The following TENM3 variants were observed in gnomAD, a reference collection of about 807,000 sequenced individuals.
TENM3 encodes the protein teneurin-3.
TENM3 carries 63 observed loss-of-function variants against 255.1 expected under a neutral mutation model. The ratio of observed to expected loss-of-function variants is 0.25; its 90% confidence interval spans 0.20 to 0.30. TENM3 has a LOEUF of 0.30. Among genes scored for constraint, TENM3 ranks in the 10% least tolerant of loss-of-function variants. The pLI is 1.00. For missense variants in TENM3, 2,929 were observed against 3,461.1 expected, an observed-to-expected ratio of 0.85 and a Z score of 3.86; for synonymous variants, 1,306 against 1,322.3, an observed-to-expected ratio of 0.99 and a Z score of 0.27.
the TENM3 span, among the ~76,000 whole-genome samples, chr4:181,481,008 G>A: frequency 6.6e-6 from 1 of 151,536 alleles, no homozygotes; most frequent in South Asian, 2.1e-4. Context: ...CATTCACCAT[G>A]AAACGACTAG....
intron 27 of TENM3, among the ~76,000 whole-genome samples, chr4:182,798,373 T>A (rs1162443062): frequency 3.3e-5 from 5 of 152,220 alleles, no homozygotes; most frequent in African/African-American, 1.2e-4. Context: ...GGTGTTACAG[T>A]TGCCTGCAAT....
chr4:181,786,843 A>G, the TENM3 span, among the ~76,000 whole-genome samples: 1 of 152,066 alleles, frequency 6.6e-6, no homozygotes, highest in Non-Finnish European at 1.5e-5. Context: ...AGCATGTCAA[A>G]GTGTCAGTGT....
chr4:182,243,264 A>G (rs968555426), upstream of TENM3, among the ~76,000 whole-genome samples: 1 of 152,068 alleles, frequency 6.6e-6, no homozygotes, highest in African/African-American at 2.4e-5. Flanking sequence ...ACAGGCATGC[A>G]CCACCACGCC....
At chr4:182,442,289 A>T (rs1366302262) in intron 3 of TENM3, among the ~76,000 whole-genome samples, 1 of 152,244 alleles carries the variant, frequency 6.6e-6, no homozygotes, top group African/African-American at 2.4e-5. Flanking sequence ...GTCAATAAAG[A>T]TATGTTAAAC....
In TENM3 at chr4:182,723,923, C is replaced by T. The variant is rs576961306; in HGVS notation, c.2369-5042C>T. On this transcript the variant is annotated intron_variant, in intron 13 of 27. Transcript: ENST00000511685. Reference sequence around the variant, plus strand: ...ACTCTTTGGTTCTACAAAATAATTTCGCCAGCCACTGTAAAAGACCAGTGA... The same window carrying T: ...ACTCTTTGGTTCTACAAAATAATTTTGCCAGCCACTGTAAAAGACCAGTGA... 5.3e-5 allele frequency among the ~76,000 whole-genome samples: 8 copies of T among 152,256 alleles called. No individual in the cohort carries two copies. In the South Asian group the frequency reaches 1.0e-3, roughly 20 times the overall value.
chr4:181,514,556 T>C, the TENM3 span, among the ~76,000 whole-genome samples: 1 of 152,320 alleles, frequency 6.6e-6, no homozygotes, highest in African/African-American at 2.4e-5. Flanking sequence ...TCACTTGGCT[T>C]TGCAAATATT....
At chr4:182,547,900 C>G (rs947972650) in intron 3 of TENM3, among the ~76,000 whole-genome samples, 1 of 151,832 alleles carries the variant, frequency 6.6e-6, no homozygotes, top group African/African-American at 2.4e-5. Flanking sequence ...TTTTTCTAAC[C>G]CAATCATTTG....
chr4:182,162,351 G>A (rs1194365048), intron 1 of TENM3, among the ~76,000 whole-genome samples: 1 of 152,034 alleles, frequency 6.6e-6, no homozygotes, highest in African/African-American at 2.4e-5. Context: ...GAAGAAAGGG[G>A]TACAAAAATA....
chr4:182,740,059 G>A (rs1277150566), intron 18 of TENM3, among the ~76,000 whole-genome samples: 1 of 152,090 alleles, frequency 6.6e-6, no homozygotes. Context: ...GGAAGAAAAT[G>A]CTAGTGCCTT....
intron 3 of TENM3, among the ~76,000 whole-genome samples, chr4:182,431,984 T>C (rs1393619382): frequency 6.7e-6 from 1 of 149,140 alleles, no homozygotes; most frequent in Non-Finnish European, 1.5e-5. Context: ...GCTGTGGCAG[T>C]AGAATCGCTT....
chr4:181,778,846 T>G, the TENM3 span, among the ~76,000 whole-genome samples: 2 of 152,152 alleles, frequency 1.3e-5, no homozygotes, highest in African/African-American at 4.8e-5. Flanking sequence ...CTCAGGTTGA[T>G]GAATGTCCTT....
At chr4:182,290,040 G>A (rs1436914347) in intron 1 of TENM3, among the ~76,000 whole-genome samples, 7 of 152,084 alleles carry the variant, frequency 4.6e-5, no homozygotes, top group African/African-American at 9.7e-5. Flanking sequence ...TCTCCTCCAA[G>A]AAGGCCTCTC....
intron 3 of TENM3, among the ~76,000 whole-genome samples, chr4:182,567,624 G>A (rs753118863): frequency 2.2e-4 from 33 of 151,780 alleles, no homozygotes; most frequent in Non-Finnish European, 3.2e-4. Context: ...AATACTCTTC[G>A]GGCAGACTTC....
chr4:181,547,133 G>A, the TENM3 span, among the ~76,000 whole-genome samples: 6 of 151,926 alleles, frequency 3.9e-5, no homozygotes, highest in Non-Finnish European at 5.9e-5. Context: ...CAGAAAAGCA[G>A]AACAAAATGA....
intron 5 of TENM3, among the ~76,000 whole-genome samples, chr4:182,635,196 A>G (rs1418896469): frequency 1.3e-5 from 2 of 152,246 alleles, no homozygotes; most frequent in African/African-American, 2.4e-5. Flanking sequence ...TATTTTCTCA[A>G]TTATCTTGCC....
the TENM3 span, among the ~76,000 whole-genome samples, chr4:181,730,405 C>T: frequency 6.6e-6 from 1 of 152,150 alleles, no homozygotes; most frequent in African/African-American, 2.4e-5. Context: ...CCGATGGCTC[C>T]TATTGTTAGG....
At chr4:181,548,411 C>G in the TENM3 span, among the ~76,000 whole-genome samples, 1 of 152,136 alleles carries the variant, frequency 6.6e-6, no homozygotes, top group East Asian at 1.9e-4. Flanking sequence ...GGAACCAACC[C>G]AAATGTCCAT....
chr4:182,515,791 T>A (rs1737876545), intron 3 of TENM3, among the ~76,000 whole-genome samples: 1 of 152,100 alleles, frequency 6.6e-6, no homozygotes, highest in Non-Finnish European at 1.5e-5. Context: ...ATTCTATGAG[T>A]TTGTGATGTC....
At chr4:181,888,513 TATGTATATATATAC>T in the TENM3 span, among the ~76,000 whole-genome samples, 7 of 18,502 alleles carry the variant, frequency 3.8e-4, 1 homozygote, top group South Asian at 2.6e-3. Context: ...TATATATATA[TATGTATATATATAC>T]ATATATGTGT....
Sources: gnomAD v4.1 joint callset for allele counts (sites outside exome capture counted in the v4.1 genomes callset) on GRCh38, gnomAD v4.1.1 for gene constraint, MANE v1.5 for transcripts, NCBI Gene and HGNC (gene_info 2026-07-23, HGNC 2026-07-21) for gene names.